ALDH1L1: variants seen among roughly 807,000 people sequenced by gnomAD.
The protein encoded by ALDH1L1 is aldehyde dehydrogenase 1 family member L1, also known as cytosolic 10-formyltetrahydrofolate dehydrogenase.
Under a neutral mutation model 101.1 loss-of-function variants are expected in ALDH1L1, and 68 were observed. The observed-to-expected ratio is 0.67, with a 90% CI of 0.55 to 0.82. ALDH1L1 has a LOEUF of 0.82. ALDH1L1 is among the 40% of genes least tolerant of loss of function. ALDH1L1 has a pLI of 0.00. For missense variants in ALDH1L1, 1,087 were observed against 1,172.7 expected, an observed-to-expected ratio of 0.93 and a Z score of 1.07; for synonymous variants, 486 against 470.8, an observed-to-expected ratio of 1.03 and a Z score of -0.42.
At chr3:126,133,376 G>C (rs1313084560) in intron 12 of ALDH1L1, among the ~76,000 whole-genome samples, 1 of 152,150 alleles carries the variant, frequency 6.6e-6, no homozygotes, top group African/African-American at 2.4e-5. Context: ...CAGTCTCACT[G>C]CTCGTCTCCT....
intron 4 of ALDH1L1, among the ~76,000 whole-genome samples, chr3:126,156,917 T>G (rs2080921524): frequency 2.0e-5 from 3 of 152,156 alleles, no homozygotes; most frequent in African/African-American, 7.2e-5. Context: ...TGGCTATCTT[T>G]CCTCTAATTC....
chr3:126,188,288 A>G lies in ALDH1L1; in HGVS notation c.-24+9447T>C, dbSNP rs2081532846. On this transcript the variant is annotated intron_variant, in intron 1 of 2. Transcript: ENST00000509952. ...ACCAAATACAAATCAAAAATACAGC[A>G]TTTGTGGAATGTGAAACCTGTGTAT... Among the ~76,000 whole-genome samples the G allele has an allele frequency of 2.0e-5, 3 of 152,234 alleles. No individual in the cohort carries two copies. In the South Asian group the frequency reaches 6.2e-4, roughly 32 times the overall value.
At chr3:126,161,520 G>A (rs778752458) in intron 1 of ALDH1L1, among the ~76,000 whole-genome samples, 1 of 152,194 alleles carries the variant, frequency 6.6e-6, no homozygotes, top group Non-Finnish European at 1.5e-5. Context: ...CAGAAAAGGG[G>A]CCTGCGTGGG....
At chr3:126,182,811 C>T (rs6773393), upstream of ALDH1L1, among the ~76,000 whole-genome samples, 125 of 152,090 alleles carry the variant, frequency 8.2e-4, no homozygotes, top group African/African-American at 2.8e-3. Flanking sequence ...GAAAGTGTTC[C>T]GAAATCATGT....
At chr3:126,103,965 G>T (rs1945768992) in intron 22 of ALDH1L1, 119 bp from the exon 23 acceptor site, 2 of 1,168,186 alleles carry the variant, frequency 1.7e-6, no homozygotes, top group South Asian at 2.7e-5. Flanking sequence ...CCCACTTCCA[G>T]GTGAGAAGTC....
intron 16 of ALDH1L1, among the ~76,000 whole-genome samples, chr3:126,120,088 T>A (rs1435388190): frequency 6.6e-6 from 1 of 152,202 alleles, no homozygotes; most frequent in Non-Finnish European, 1.5e-5. Context: ...AAAAACCAAA[T>A]GCACTGTTAC....
chr3:126,161,120 G>A, intron 1 of ALDH1L1, 118 bp from the exon 2 acceptor site: 1 of 1,237,730 alleles, frequency 8.1e-7, no homozygotes, highest in Non-Finnish European at 1.1e-6. Context: ...CCCCTCTGTG[G>A]CTCTGTGGGT....
chr3:126,158,560 CA>C lies in ALDH1L1; in HGVS notation c.206del (p.Val69GlyfsTer26). On this transcript the variant is annotated frameshift_variant, in exon 3 of 23. Coordinates refer to ENST00000393434, the MANE Select transcript of ALDH1L1 (RefSeq NM_012190.4). LOFTEE classifies it high-confidence loss of function. ...WRAKGQALPD[V>X]VAKYQALGAE... Reference sequence around the variant, plus strand: ...CCCCCAAAGCCTGGTATTTTGCCACCACATCAGGCAAAGCCTGTCCTTTTGC... The same window carrying C: ...CCCCCAAAGCCTGGTATTTTGCCACCCATCAGGCAAAGCCTGTCCTTTTGC... 1 of 1,614,238 alleles carries C rather than the reference CA, an allele frequency of 6.2e-7. No individual in the cohort carries two copies. Among genetic ancestry groups the C allele is most frequent in the Non-Finnish European group, 8.5e-7 (1 of 1,180,034 alleles).
chr3:126,159,250 C>T (rs1398300563), intron 2 of ALDH1L1: 2 of 371,938 alleles, frequency 5.4e-6, no homozygotes, highest in Non-Finnish European at 1.0e-5. Context: ...ACACACACCC[C>T]AGAGGACCAG....
intron 18 of ALDH1L1, among the ~76,000 whole-genome samples, chr3:126,113,306 G>A (rs1946139704): frequency 6.6e-6 from 1 of 152,234 alleles, no homozygotes. Context: ...GTGTGTGTAA[G>A]CATGGAGCAG....
At position 126,108,937 on chromosome 3, in the gene ALDH1L1, C is replaced by T. The variant is rs182778022; in HGVS notation, c.2347+1007G>A. Among the ~76,000 whole-genome samples the T allele has an allele frequency of 3.9e-4, 59 of 152,246 alleles. No homozygotes were observed. In the Middle Eastern group the frequency reaches 0.017, roughly 44 times the overall value. On this transcript the variant is annotated intron_variant, in intron 20 of 22. Transcript: ENST00000393434. ...CAGAGGAGAGGTCACCAGACCCTGG[C>T]AGCTGTGTGAATAAAGGATCAGCAG...
chr3:126,197,664 CGA>C (rs545413547), intron 1 of ALDH1L1: 1 of 151,942 alleles, frequency 6.6e-6, no homozygotes, highest in African/African-American at 2.4e-5. Context: ...CTCCGAAATC[CGA>C]GAGAGAATTT....
At chr3:126,151,758 GC>G (rs1457899852) in intron 7 of ALDH1L1, 1 of 153,324 alleles carries the variant, frequency 6.5e-6, no homozygotes, top group Non-Finnish European at 1.5e-5. Flanking sequence ...CTTTCTGCAA[GC>G]TAAAGCCCAG....
chr3:126,185,547 C>T (rs1377325338), upstream of ALDH1L1, among the ~76,000 whole-genome samples: 2 of 150,042 alleles, frequency 1.3e-5, no homozygotes, highest in Non-Finnish European at 2.9e-5. Flanking sequence ...AAATAAGAAA[C>T]GTTCCAGTTG....
At chr3:126,175,902 G>A (rs1351933768) in intron 1 of ALDH1L1, among the ~76,000 whole-genome samples, 4 of 152,236 alleles carry the variant, frequency 2.6e-5, no homozygotes, top group African/African-American at 7.2e-5. Flanking sequence ...GAAATAAACT[G>A]TTCTTGTTCT....
chr3:126,191,397 A>G (rs749201093), intron 1 of ALDH1L1, among the ~76,000 whole-genome samples: 1 of 152,180 alleles, frequency 6.6e-6, no homozygotes, highest in Non-Finnish European at 1.5e-5. Flanking sequence ...GTAATGTGCA[A>G]TGGGCCTATT....
rs573340508 is a variant in ALDH1L1 at position 126,141,860 on chromosome 3, G to C, written c.1077-3900C>G. On this transcript the variant is annotated intron_variant, in intron 9 of 22. Transcript: ENST00000393434. The stretch of plus-strand genomic sequence containing the variant: ...AAGTAATAATAAAGATTAGAACAGA[G>C]ATAAATGAAATAGAGACCAGAAAAA... Among the ~76,000 whole-genome samples the C allele has an allele frequency of 2.0e-5, 3 of 151,594 alleles. No individual in the cohort carries two copies. In the South Asian group the frequency reaches 6.3e-4, roughly 32 times the overall value.
chr3:126,158,177 G>A (rs1429628212), intron 3 of ALDH1L1, among the ~76,000 whole-genome samples: 2 of 152,090 alleles, frequency 1.3e-5, no homozygotes, highest in African/African-American at 4.8e-5. Flanking sequence ...AATAACTGTG[G>A]GAATGCAGAG....
At chr3:126,128,988 G>A (rs74345191) in intron 14 of ALDH1L1, 1,527 of 147,452 alleles carry the variant, frequency 0.01, 19 homozygotes, top group African/African-American at 0.035. Context: ...TCTGACCACT[G>A]CCCCATAGCA....
Sources: gnomAD v4.1 joint callset for allele counts (sites outside exome capture counted in the v4.1 genomes callset) on GRCh38, gnomAD v4.1.1 for gene constraint, MANE v1.5 for transcripts, NCBI Gene and HGNC (gene_info 2026-07-23, HGNC 2026-07-21) for gene names.